The following NRXN3 variants were observed in gnomAD, a reference collection of about 807,000 sequenced individuals.
The protein encoded by NRXN3 is neurexin III.
In NRXN3, 32 loss-of-function variants were observed where a neutral mutation model predicts 137.6. The ratio of observed to expected loss-of-function variants is 0.23; its 90% CI spans 0.18 to 0.31. The LOEUF (loss-of-function observed/expected upper bound fraction) is 0.31. Ranked by LOEUF, NRXN3 falls within the 10% of genes least tolerant of loss-of-function variation. The pLI is 1.00. For missense variants in NRXN3, 1,574 were observed against 2,062.5 expected, an observed-to-expected ratio of 0.76 and a Z score of 4.59; for synonymous variants, 798 against 784.5, an observed-to-expected ratio of 1.02 and a Z score of -0.29.
At chr14:78,809,142 A>G (rs954574426) in intron 9 of NRXN3, among the ~76,000 whole-genome samples, 1 of 151,986 alleles carries the variant, frequency 6.6e-6, no homozygotes, top group African/African-American at 2.4e-5. Flanking sequence ...AAGGACTTCT[A>G]TGTTGTGTGT....
At chr14:78,472,091 T>A (rs2095286089) in intron 4 of NRXN3, among the ~76,000 whole-genome samples, 1 of 152,200 alleles carries the variant, frequency 6.6e-6, no homozygotes, top group Non-Finnish European at 1.5e-5. Flanking sequence ...AGAGAAAGCC[T>A]CAAAGAGCTT....
intron 16 of NRXN3, among the ~76,000 whole-genome samples, chr14:79,587,590 C>T (rs1013079067): frequency 6.6e-6 from 1 of 152,076 alleles, no homozygotes; most frequent in Non-Finnish European, 1.5e-5. Flanking sequence ...GAACAAAAGC[C>T]AGAGAGAGAG....
At chr14:78,261,900 CA>C (rs1179325389) in intron 2 of NRXN3, among the ~76,000 whole-genome samples, 5 of 152,208 alleles carry the variant, frequency 3.3e-5, no homozygotes, top group African/African-American at 7.2e-5. Flanking sequence ...CAAGCACAAT[CA>C]GGGGTGATCA....
chr14:79,374,220 T>G (rs1302774230), intron 15 of NRXN3, among the ~76,000 whole-genome samples: 2 of 152,140 alleles, frequency 1.3e-5, no homozygotes, highest in African/African-American at 4.8e-5. Context: ...CAACTAAAAA[T>G]TAACTCATAA....
intron 15 of NRXN3, among the ~76,000 whole-genome samples, chr14:79,122,152 G>T (rs2055556120): frequency 6.6e-6 from 1 of 152,174 alleles, no homozygotes. Context: ...ATGTGCAGGT[G>T]GTCATGCACA....
At chr14:78,326,382 T>C (rs971364801) in intron 4 of NRXN3, among the ~76,000 whole-genome samples, 2 of 152,160 alleles carry the variant, frequency 1.3e-5, no homozygotes, top group Non-Finnish European at 2.9e-5. Flanking sequence ...TAAGTAAATG[T>C]GAAGTTACTC....
intron 4 of NRXN3, among the ~76,000 whole-genome samples, chr14:78,528,747 G>A (rs561647317): frequency 2.0e-5 from 3 of 152,236 alleles, no homozygotes; most frequent in Admixed American, 2.0e-4. Context: ...GCAGAGTCGT[G>A]CAAGTACAGA....
rs937022186 is a variant in NRXN3, at chr14:79,863,278, T to C, written c.*1314T>C. ...AAAACAAATAAATGAATAAAGCTGCTGTGACACACACACAAAAGGAATTTA... is the reference window on the plus strand; with the variant it reads ...AAAACAAATAAATGAATAAAGCTGCCGTGACACACACACAAAAGGAATTTA... On this transcript the variant is annotated 3_prime_UTR_variant, in exon 21 of 21. Coordinates refer to ENST00000335750, the MANE Select transcript of NRXN3 (RefSeq NM_001330195.2). The C allele has an allele frequency of 6.6e-6, 1 of 151,652 alleles. No individual in the cohort carries two copies. The highest frequency in any genetic ancestry group is 2.4e-5 in the African/African-American group (1 of 41,298). 9.4% of individuals were successfully genotyped at this position (151,652 alleles called of 1,614,324 possible).
intron 4 of NRXN3, among the ~76,000 whole-genome samples, chr14:78,417,419 C>T (rs1022005614): frequency 1.8e-4 from 28 of 152,316 alleles, no homozygotes; most frequent in East Asian, 3.9e-4. Context: ...TGGGAGCATG[C>T]GCAGATGCTC....
intron 4 of NRXN3, among the ~76,000 whole-genome samples, chr14:78,368,623 A>T (rs554031878): frequency 6.6e-6 from 1 of 152,288 alleles, no homozygotes; most frequent in South Asian, 2.1e-4. Context: ...TGAATCCAGG[A>T]GGTGGAGGTT....
intron 15 of NRXN3, among the ~76,000 whole-genome samples, chr14:79,082,067 C>T (rs2047126918): frequency 7.2e-6 from 1 of 139,834 alleles, no homozygotes; most frequent in Admixed American, 8.1e-5. Flanking sequence ...ATGTTTCATA[C>T]ATATATATAT....
chr14:79,385,688 C>T (rs1437133761), intron 15 of NRXN3, among the ~76,000 whole-genome samples: 1 of 152,052 alleles, frequency 6.6e-6, no homozygotes, highest in Non-Finnish European at 1.5e-5. Context: ...AAGTGTGTGG[C>T]CATTTACCTA....
intron 15 of NRXN3, among the ~76,000 whole-genome samples, chr14:79,173,865 A>G (rs1008731144): frequency 6.6e-6 from 1 of 152,154 alleles, no homozygotes; most frequent in Admixed American, 6.5e-5. Flanking sequence ...TCTCCACCTT[A>G]AGGCAGGAAA....
intron 16 of NRXN3, among the ~76,000 whole-genome samples, chr14:79,607,657 T>C (rs1263963882): frequency 6.7e-6 from 1 of 150,076 alleles, no homozygotes; most frequent in Non-Finnish European, 1.5e-5. Context: ...GCCACATATT[T>C]AAATGTTAAT....
intron 4 of NRXN3, among the ~76,000 whole-genome samples, chr14:78,337,358 C>T (rs1393534365): frequency 6.6e-6 from 1 of 152,134 alleles, no homozygotes; most frequent in East Asian, 1.9e-4. Context: ...GAGCTGCTCA[C>T]TTATCCTAGT....
intron 15 of NRXN3, among the ~76,000 whole-genome samples, chr14:79,359,155 A>G (rs2093595039): frequency 6.6e-6 from 1 of 152,130 alleles, no homozygotes; most frequent in Non-Finnish European, 1.5e-5. Context: ...CCTTCCAAGT[A>G]TTTTGGTTTT....
chr14:79,654,946 C>T (rs1195942161), intron 16 of NRXN3, among the ~76,000 whole-genome samples: 1 of 152,184 alleles, frequency 6.6e-6, no homozygotes, highest in Non-Finnish European at 1.5e-5. Context: ...AGTTTCCTCA[C>T]AACCACAGAA....
At chr14:79,673,836 G>C (rs547837424) in intron 17 of NRXN3, among the ~76,000 whole-genome samples, 1 of 152,152 alleles carries the variant, frequency 6.6e-6, no homozygotes, top group South Asian at 2.1e-4. Flanking sequence ...CTGGGTTCTT[G>C]TATCAAGTCT....
At chr14:79,152,292 T>C (rs2059868486) in intron 15 of NRXN3, among the ~76,000 whole-genome samples, 1 of 152,166 alleles carries the variant, frequency 6.6e-6, no homozygotes, top group Non-Finnish European at 1.5e-5. Flanking sequence ...TATTTGCACC[T>C]TTAAAATCCC....
Sources: gnomAD v4.1 joint callset for allele counts (sites outside exome capture counted in the v4.1 genomes callset) on GRCh38, gnomAD v4.1.1 for gene constraint, MANE v1.5 for transcripts, NCBI Gene and HGNC (gene_info 2026-07-23, HGNC 2026-07-21) for gene names.